CAPZA1: variants seen among roughly 807,000 people sequenced by gnomAD.
CAPZA1 encodes the protein capping actin protein of muscle Z-line subunit alpha 1.
A neutral mutation model predicts 40.8 loss-of-function variants in CAPZA1; 10 were observed. That is an observed-to-expected ratio of 0.25 (90% CI 0.15 to 0.42). The LOEUF is 0.42. CAPZA1 is among the 10% of genes least tolerant of loss of function. CAPZA1 has a pLI of 1.00. For missense variants in CAPZA1, 277 were observed against 353.8 expected (o/e 0.78, Z 1.74); for synonymous variants, 98 against 115.0 (o/e 0.85, Z 0.95).
chr1:112,626,343 C>G (rs1328784837), intron 1 of CAPZA1: 1 of 151,182 alleles, frequency 6.6e-6, no homozygotes, highest in Non-Finnish European at 1.5e-5. Flanking sequence ...CGTGTAATCC[C>G]AATACTTTGG....
intron 9 of CAPZA1, 105 bp from the exon 10 acceptor site, chr1:112,669,887 C>G: frequency 8.1e-7 from 1 of 1,230,754 alleles, no homozygotes; most frequent in Non-Finnish European, 1.2e-6. Context: ...TCCTGTCTAT[C>G]CTTCACAGGG....
At chr1:112,656,684 A>G (rs1462824921) in intron 5 of CAPZA1, among the ~76,000 whole-genome samples, 2 of 151,920 alleles carry the variant, frequency 1.3e-5, no homozygotes, top group African/African-American at 4.8e-5. Context: ...GTCCTTAGCT[A>G]TCAAATGACC....
chr1:112,650,725 AAAGG>A (rs1219919185), intron 3 of CAPZA1, among the ~76,000 whole-genome samples: 1 of 152,232 alleles, frequency 6.6e-6, no homozygotes, highest in Non-Finnish European at 1.5e-5. Context: ...TGATAAGCTG[AAAGG>A]GGTGGATGTT....
intron 5 of CAPZA1, among the ~76,000 whole-genome samples, chr1:112,657,996 C>T (rs1671531823): frequency 6.6e-6 from 1 of 152,176 alleles, no homozygotes; most frequent in African/African-American, 2.4e-5. Flanking sequence ...TAAAGTAACA[C>T]AGACTTCGGT....
chr1:112,666,307 A>C (rs1162804036), intron 7 of CAPZA1, among the ~76,000 whole-genome samples: 2 of 151,956 alleles, frequency 1.3e-5, no homozygotes, highest in African/African-American at 4.8e-5. Flanking sequence ...CTACCTGTCT[A>C]CTTAGGTGAC....
intron 3 of CAPZA1, among the ~76,000 whole-genome samples, chr1:112,652,666 G>A (rs1671416699): frequency 6.6e-6 from 1 of 151,560 alleles, no homozygotes; most frequent in Non-Finnish European, 1.5e-5. Context: ...ACCTTGTTAT[G>A]TTGGCACATT....
chr1:112,637,276 G>A (rs1026040676), intron 1 of CAPZA1, among the ~76,000 whole-genome samples: 1 of 152,230 alleles, frequency 6.6e-6, no homozygotes, highest in African/African-American at 2.4e-5. Context: ...TTACATAAGA[G>A]TTTTATAAAC....
chr1:112,649,304 G>A (rs547748585), intron 2 of CAPZA1, 114 bp from the exon 3 acceptor site: 1 of 727,846 alleles, frequency 1.4e-6, no homozygotes, highest in African/African-American at 1.8e-5. Flanking sequence ...TACTCATATA[G>A]TACACCTGAA....
chr1:112,639,854 G>A (rs1313610898), intron 1 of CAPZA1, among the ~76,000 whole-genome samples: 9 of 125,962 alleles, frequency 7.1e-5, no homozygotes, highest in South Asian at 2.6e-4. Flanking sequence ...CGCCCCGTCC[G>A]GGAGGGAGGT....
At chr1:112,640,318 G>T (rs1267697329) in intron 1 of CAPZA1, among the ~76,000 whole-genome samples, 1 of 126,778 alleles carries the variant, frequency 7.9e-6, no homozygotes, top group Admixed American at 7.7e-5. Flanking sequence ...GGGAGGTGGG[G>T]GGGTCAGCCC....
intron 1 of CAPZA1, among the ~76,000 whole-genome samples, chr1:112,623,584 G>A (rs1228872209): frequency 6.6e-6 from 1 of 152,050 alleles, no homozygotes; most frequent in Non-Finnish European, 1.5e-5. Context: ...AGTAGGCTGA[G>A]GCAGGAGAAT....
chr1:112,646,450 G>T (rs1671283157), intron 1 of CAPZA1, among the ~76,000 whole-genome samples: 1 of 152,194 alleles, frequency 6.6e-6, no homozygotes, highest in South Asian at 2.1e-4. Context: ...GGTGGCACAT[G>T]CCTGTGGCCC....
chr1:112,647,413 G>A, intron 2 of CAPZA1, 140 bp downstream of exon 2: 1 of 446,542 alleles, frequency 2.2e-6, no homozygotes, highest in South Asian at 7.5e-5. Context: ...ACTTGTCCAA[G>A]GTCCCCCAGT....
At chr1:112,667,476 A>G (rs1303560303) in intron 8 of CAPZA1, among the ~76,000 whole-genome samples, 7 of 152,236 alleles carry the variant, frequency 4.6e-5, no homozygotes, top group Admixed American at 4.6e-4. Flanking sequence ...CTGCATTTAT[A>G]TCATTAGAGA....
At chr1:112,629,735 C>T (rs950883536) in intron 1 of CAPZA1, among the ~76,000 whole-genome samples, 8 of 152,250 alleles carry the variant, frequency 5.3e-5, no homozygotes, top group Non-Finnish European at 1.0e-4. Context: ...GTATTACCAT[C>T]ATTACTGCTA....
chr1:112,649,768 AT>A, intron 3 of CAPZA1: 2 of 380,648 alleles, frequency 5.3e-6, no homozygotes, highest in Non-Finnish European at 9.4e-6. Context: ...TTCGTGTTGA[AT>A]TTTTTTAAAC....
At chr1:112,636,622 CT>C (rs565852241) in intron 1 of CAPZA1, among the ~76,000 whole-genome samples, 27 of 146,648 alleles carry the variant, frequency 1.8e-4, no homozygotes, top group South Asian at 4.4e-4. Context: ...TTTTTAAAGG[CT>C]TTTTTTTTTA....
At chr1:112,652,780 C>T (rs896600544) in intron 3 of CAPZA1, among the ~76,000 whole-genome samples, 1 of 151,834 alleles carries the variant, frequency 6.6e-6, no homozygotes, top group African/African-American at 2.4e-5. Flanking sequence ...ATAAGTGTAG[C>T]TCTTATTTCC....
At chr1:112,633,307 A>G (rs375875628) in intron 1 of CAPZA1, among the ~76,000 whole-genome samples, 3 of 151,606 alleles carry the variant, frequency 2.0e-5, no homozygotes, top group Admixed American at 6.5e-5. Context: ...AGGCTTTTTT[A>G]GATTCTGCAT....
Sources: allele counts gnomAD v4.1 joint callset (sites outside exome capture counted in the v4.1 genomes callset), GRCh38; gene constraint gnomAD v4.1.1; transcripts MANE v1.5; gene names NCBI Gene and HGNC (gene_info 2026-07-23, HGNC 2026-07-21).